Variants in DNAJB14 observed in about 807,000 individuals in gnomAD.
The protein encoded by DNAJB14 is dnaJ homolog subfamily B member 14.
DNAJB14 carries 22 observed loss-of-function variants against 48.4 expected under a neutral mutation model. The observed-to-expected ratio is 0.45, with a 90% CI of 0.32 to 0.65. The LOEUF is 0.65. Among genes scored for constraint, DNAJB14 ranks in the 30% least tolerant of loss-of-function variants. The pLI is 0.03. For missense variants in DNAJB14, 319 were observed against 458.8 expected (o/e 0.70, Z 2.78); for synonymous variants, 142 against 158.7 (o/e 0.89, Z 0.79).
chr4:99,928,625 A>C (rs1726344525), intron 2 of DNAJB14: 1 of 440,682 alleles, frequency 2.3e-6, no homozygotes. Flanking sequence ...AGGCTAGGGT[A>C]GAGGAAATGA....
At chr4:99,915,778 C>T (rs1490454511) in intron 3 of DNAJB14, among the ~76,000 whole-genome samples, 1 of 152,090 alleles carries the variant, frequency 6.6e-6, no homozygotes. Context: ...CTTCTATATT[C>T]TTGTTGATTT....
intron 1 of DNAJB14, among the ~76,000 whole-genome samples, chr4:99,936,749 A>G (rs899346068): frequency 2.6e-5 from 4 of 152,352 alleles, no homozygotes; most frequent in African/African-American, 9.6e-5. Context: ...AGGGGCTCGC[A>G]CTAACTAAAT....
chr4:99,917,734 A>C (rs1725906818), intron 3 of DNAJB14, among the ~76,000 whole-genome samples: 1 of 152,174 alleles, frequency 6.6e-6, no homozygotes, highest in South Asian at 2.1e-4. Flanking sequence ...CATTCCTGAA[A>C]GATATTTTTG....
chr4:99,901,668 G>A lies in DNAJB14; in HGVS notation c.1016-516C>T, dbSNP rs369043759. 3.2e-4 allele frequency among the ~76,000 whole-genome samples: 48 copies of A among 152,176 alleles called. No individual in the cohort carries two copies. In the East Asian group the frequency reaches 6.0e-3, roughly 19 times the overall value. ...TAAAAAAAATGCTTGTTATACGATC[G>A]TAATATTGCTATTCAGCAAATAAGT... On this transcript the variant is annotated intron_variant, in intron 7 of 7. Transcript: ENST00000442697.
intron 1 of DNAJB14, among the ~76,000 whole-genome samples, chr4:99,937,807 A>AT (rs1726733487): frequency 6.6e-6 from 1 of 151,226 alleles, no homozygotes; most frequent in Non-Finnish European, 1.5e-5. Flanking sequence ...AGGGCTGGGC[A>AT]TGGTGGCTCA....
chr4:99,937,703 G>T (rs1204626332), intron 1 of DNAJB14, among the ~76,000 whole-genome samples: 1 of 151,806 alleles, frequency 6.6e-6, no homozygotes, highest in African/African-American at 2.4e-5. Flanking sequence ...TCCAGTCTGG[G>T]TGACAAAGTG....
At chr4:99,912,158 C>T (rs1292581598) in intron 3 of DNAJB14, among the ~76,000 whole-genome samples, 1 of 152,158 alleles carries the variant, frequency 6.6e-6, no homozygotes, top group Non-Finnish European at 1.5e-5. Flanking sequence ...ACTGCTTTTG[C>T]ATCTTTGTCA....
At chr4:99,931,700 A>G (rs1726473011) in intron 1 of DNAJB14, among the ~76,000 whole-genome samples, 1 of 151,756 alleles carries the variant, frequency 6.6e-6, no homozygotes, top group South Asian at 2.1e-4. Flanking sequence ...TAGACCATAG[A>G]GTGGTCCTTT....
chr4:99,934,189 G>C (rs1487346238), intron 1 of DNAJB14, among the ~76,000 whole-genome samples: 2 of 152,098 alleles, frequency 1.3e-5, no homozygotes, highest in African/African-American at 4.8e-5. Context: ...CCAGATAAAA[G>C]TAGGGAAGGA....
At chr4:99,913,193 G>A (rs1278990878) in intron 3 of DNAJB14, among the ~76,000 whole-genome samples, 3 of 151,946 alleles carry the variant, frequency 2.0e-5, no homozygotes, top group African/African-American at 4.8e-5. Flanking sequence ...TCTCTTTAAC[G>A]CAGTGATTAC....
chr4:99,897,633 T>A lies in DNAJB14; in HGVS notation c.*3395A>T, dbSNP rs1047133651. On this transcript the variant is annotated 3_prime_UTR_variant, in exon 8 of 8. Transcript: ENST00000442697. ...TGGTTTATAGGGAATTTTATGGATT[T>A]TAACTAGGCAATGGTCCAATGTGGT... 1.3e-5 allele frequency: 2 copies of A among 152,052 alleles called. No homozygotes were observed. The highest frequency in any genetic ancestry group is 4.8e-5 in the African/African-American group (2 of 41,452). 9.4% of individuals were successfully genotyped at this position (152,052 alleles called of 1,614,324 possible).
chr4:99,902,503 G>T (rs1725328452), intron 7 of DNAJB14, among the ~76,000 whole-genome samples: 1 of 152,102 alleles, frequency 6.6e-6, no homozygotes, highest in African/African-American at 2.4e-5. Flanking sequence ...CATTGAGTTA[G>T]AAGTCAAAGA....
chr4:99,904,257 T>C (rs1022654840), intron 6 of DNAJB14, among the ~76,000 whole-genome samples: 2 of 152,196 alleles, frequency 1.3e-5, no homozygotes, highest in Non-Finnish European at 2.9e-5. Context: ...TATTTAAACC[T>C]GAATACATTA....
rs756177038 is a variant in DNAJB14 at position 99,946,616 on chromosome 4, G to A, written c.-45C>T. 1.3e-5 allele frequency: 21 copies of A among 1,602,868 alleles called. No individual in the cohort carries two copies. Among genetic ancestry groups the A allele is most frequent in the Non-Finnish European group, 1.8e-5 (21 of 1,172,996 alleles). On this transcript the variant is annotated 5_prime_UTR_variant, in exon 1 of 8. Transcript: ENST00000442697. ...TTCCTCCGGCAGCGCAGCTAAGAAG[G>A]GCGGAAGCCGCCGCCGCGGAGGAGG...
In DNAJB14 at chr4:99,905,731, CAA is replaced by C. The variant is rs779428293; in HGVS notation, c.733-27_733-26del. On this transcript the variant is annotated intron_variant, in intron 5 of 7. Transcript: ENST00000442697. The stretch of plus-strand genomic sequence containing the variant: ...CCTATAAAAAATGATCAAAGAATAA[CAA>C]ATTGTAATATAACTGTAGTTGTTAA... 2.5e-6 allele frequency: 4 copies of C among 1,595,870 alleles called. No individual in the cohort carries two copies. The East Asian group carries it at 6.7e-5, about 27-fold the overall frequency.
intron 3 of DNAJB14, chr4:99,922,479 A>C (rs945287627): frequency 2.6e-5 from 4 of 152,138 alleles, no homozygotes; most frequent in Non-Finnish European, 5.9e-5. Context: ...AATTGGCAAA[A>C]AATTTAAAGA....
At chr4:99,905,865 T>A in intron 5 of DNAJB14, 159 bp from the exon 6 acceptor site, 1 of 778,236 alleles carries the variant, frequency 1.3e-6, no homozygotes. Flanking sequence ...TTCTTAAATA[T>A]AATTATCCAG....
chr4:99,941,004 TA>T (rs2110225686), intron 1 of DNAJB14, among the ~76,000 whole-genome samples: 1 of 151,988 alleles, frequency 6.6e-6, no homozygotes, highest in Non-Finnish European at 1.5e-5. Context: ...TTTGTGAATA[TA>T]TTAATATAGA....
intron 2 of DNAJB14, chr4:99,929,662 C>G (rs1368856497): frequency 6.6e-6 from 1 of 152,030 alleles, no homozygotes; most frequent in African/African-American, 2.4e-5. Flanking sequence ...CAAGAAAGGA[C>G]AAATGAGAAA....
Sources: gnomAD v4.1 joint callset for allele counts (sites outside exome capture counted in the v4.1 genomes callset) on GRCh38, gnomAD v4.1.1 for gene constraint, MANE v1.5 for transcripts, NCBI Gene and HGNC (gene_info 2026-07-23, HGNC 2026-07-21) for gene names.